The following CHST15 variants were observed in gnomAD, a reference collection of about 807,000 sequenced individuals.
The protein encoded by CHST15 is B cell RAG associated protein (GALNAC4S-6ST).
CHST15 carries 30 observed loss-of-function variants against 53.6 expected under a neutral mutation model. The ratio of observed to expected loss-of-function variants is 0.56; its 90% CI spans 0.42 to 0.76. The LOEUF (loss-of-function observed/expected upper bound fraction) is 0.76, where lower values mean the gene tolerates loss of function less well. CHST15 is among the 30% of genes least tolerant of loss of function. The pLI, the probability that CHST15 is intolerant of heterozygous loss-of-function variation, is 0.00. For missense variants in CHST15, 627 were observed against 740.5 expected (o/e 0.85, Z 1.78); for synonymous variants, 296 against 289.8 (o/e 1.02, Z -0.22).
At chr10:124,028,022 C>A (rs1947078518) in intron 5 of CHST15, among the ~76,000 whole-genome samples, 1 of 152,220 alleles carries the variant, frequency 6.6e-6, no homozygotes, top group South Asian at 2.1e-4. Context: ...AAAGTCAATT[C>A]TTCTCCAGAA....
intron 1 of CHST15, among the ~76,000 whole-genome samples, chr10:124,059,482 G>A (rs1290881318): frequency 6.6e-6 from 1 of 152,202 alleles, no homozygotes; most frequent in African/African-American, 2.4e-5. Context: ...GACAGAAGGA[G>A]CAGGGTGACT....
intron 5 of CHST15, among the ~76,000 whole-genome samples, chr10:124,028,973 C>G: frequency 6.6e-6 from 1 of 152,060 alleles, no homozygotes; most frequent in East Asian, 1.9e-4. Flanking sequence ...CAGGAGGACC[C>G]GAGATGGGGA....
intron 5 of CHST15, among the ~76,000 whole-genome samples, chr10:124,034,734 G>A: frequency 6.9e-6 from 1 of 144,120 alleles, no homozygotes; most frequent in Non-Finnish European, 1.5e-5. Context: ...CCCCTAACAG[G>A]GACCCCGGCT....
chr10:124,009,762 C>A lies in CHST15; in HGVS notation c.*387G>T, dbSNP rs1468262086. ...AGTTCCAGCCAGGCCTGTGGCATGA[C>A]CTCTGGCTTGCTGACTCAGAACCCA... On this transcript the variant is annotated 3_prime_UTR_variant, in exon 8 of 8. Transcript: ENST00000435907. The A allele has an allele frequency of 1.9e-6, 2 of 1,064,082 alleles. No homozygotes were observed. Among genetic ancestry groups the A allele is most frequent in the Admixed American group, 4.9e-5 (1 of 20,246 alleles). The allele number at this position is 1,064,082 out of a possible 1,614,324, so 65.9% of individuals were successfully genotyped here. A position where few individuals can be genotyped will look rare whatever the true frequency, so the allele number is the denominator to read the frequency against.
chr10:124,034,589 C>A (rs1378922227), intron 5 of CHST15, among the ~76,000 whole-genome samples: 1 of 146,746 alleles, frequency 6.8e-6, no homozygotes, highest in Non-Finnish European at 1.5e-5. Flanking sequence ...CTAACAGGGA[C>A]CCTGGCTCCA....
intron 5 of CHST15, among the ~76,000 whole-genome samples, chr10:124,034,492 G>T (rs963040364): frequency 5.3e-5 from 8 of 151,816 alleles, no homozygotes; most frequent in African/African-American, 1.9e-4. Flanking sequence ...AGAACTCCAG[G>T]AAGAAAGAAA....
At chr10:124,089,631 G>T (rs1202860338) in intron 1 of CHST15, among the ~76,000 whole-genome samples, 1 of 152,052 alleles carries the variant, frequency 6.6e-6, no homozygotes, top group Non-Finnish European at 1.5e-5. Flanking sequence ...CAGGGGGTGG[G>T]TGCCTCCCAC....
In CHST15 at chr10:124,038,602, C is replaced by T; in HGVS notation, c.1103G>A (p.Gly368Asp). ...GTCCTGCGTCAGAAACGGTGGCTCG[C>T]CATCCGTGCTGTTGTCGTAGAAGAA... ...WTFFYDNSTD[G>D]EPPFLTQDFI... is the part of the protein sequence containing the mutation. The change falls in exon 5 of 8, where the codon GGC (glycine) becomes GAC (aspartate). Residue 368 changes from glycine (G) to aspartate (D), a missense_variant. Transcript: ENST00000435907. 3.7e-6 allele frequency: 6 copies of T among 1,614,144 alleles called. No homozygotes were observed. Among genetic ancestry groups the T allele is most frequent in the Non-Finnish European group, 5.1e-6 (6 of 1,180,010 alleles).
At chr10:124,054,821 C>T (rs962705929) in intron 1 of CHST15, among the ~76,000 whole-genome samples, 1 of 152,196 alleles carries the variant, frequency 6.6e-6, no homozygotes, top group African/African-American at 2.4e-5. Flanking sequence ...ACCCCGCACA[C>T]CGTGGAAGGA....
intron 1 of CHST15, among the ~76,000 whole-genome samples, chr10:124,068,519 TCCA>T: frequency 6.6e-6 from 1 of 152,332 alleles, no homozygotes; most frequent in South Asian, 2.1e-4. Context: ...CGGGTACATG[TCCA>T]GTCTGGTCTG....
intron 1 of CHST15, among the ~76,000 whole-genome samples, chr10:124,048,733 G>A (rs764309547): frequency 2.6e-5 from 4 of 152,160 alleles, no homozygotes; most frequent in Non-Finnish European, 5.9e-5. Context: ...GAGGGAATTC[G>A]CACCCTCCTG....
chr10:124,064,366 G>T (rs568094450), intron 1 of CHST15, among the ~76,000 whole-genome samples: 1 of 152,234 alleles, frequency 6.6e-6, no homozygotes, highest in African/African-American at 2.4e-5. Flanking sequence ...CAAAGTGCCT[G>T]TGTGATGGCC....
intron 1 of CHST15, among the ~76,000 whole-genome samples, chr10:124,050,105 T>G (rs994977967): frequency 5.3e-5 from 8 of 152,040 alleles, no homozygotes; most frequent in African/African-American, 1.9e-4. Flanking sequence ...TTTACCAAAA[T>G]CGATAGCCAC....
In CHST15 at chr10:124,036,145, G is replaced by A. The variant is rs1243124149; in HGVS notation, c.1190+2370C>T. 6.6e-6 allele frequency among the ~76,000 whole-genome samples: 1 copy of A among 152,248 alleles called. No individual in the cohort carries two copies. The highest frequency in any genetic ancestry group is 2.4e-5 in the African/African-American group (1 of 41,470). ...CCCTTCAGCTGGGGGCCGTGTCGGG[G>A]AGGGAGGCAGAGCAGCTATGCAAAC... On this transcript the variant is annotated intron_variant, in intron 5 of 7. Transcript: ENST00000435907. The surrounding 1 kb of genome is among the most constrained non-coding windows in gnomAD (Gnocchi z 5.1).
intron 6 of CHST15, chr10:124,021,008 C>T (rs1251049330): frequency 7.0e-7 from 1 of 1,424,938 alleles, no homozygotes; most frequent in East Asian, 2.5e-5. Context: ...GCACCCTCAT[C>T]CTCCTGCTGA....
intron 6 of CHST15, among the ~76,000 whole-genome samples, chr10:124,012,989 C>G (rs1564847301): frequency 6.6e-6 from 1 of 152,200 alleles, no homozygotes; most frequent in Non-Finnish European, 1.5e-5. Flanking sequence ...CATTACTGAA[C>G]CAAGTACACA....
Position 124,007,846 on chromosome 10 carries a change from C to A in CHST15, c.*2303G>T. On this transcript the variant is annotated 3_prime_UTR_variant, in exon 8 of 8. Coordinates refer to ENST00000435907, the MANE Select transcript of CHST15 (RefSeq NM_001270764.2). Reference sequence around the variant, plus strand: ...TTGAGAACAAAAAGGAACTTCAATACCATGTTGTGAGAAATGCTCCAATTT... The same window carrying A: ...TTGAGAACAAAAAGGAACTTCAATAACATGTTGTGAGAAATGCTCCAATTT... 1 of 1,232,104 alleles carries A rather than the reference C, an allele frequency of 8.1e-7. No homozygotes were observed. Among genetic ancestry groups the A allele is most frequent in the Non-Finnish European group, 1.0e-6 (1 of 987,934 alleles). 76.3% of individuals were successfully genotyped at this position (1,232,104 alleles called of 1,614,324 possible). A position where few individuals can be genotyped will look rare whatever the true frequency, so the allele number is the denominator to read the frequency against.
intron 6 of CHST15, 116 bp downstream of exon 6, chr10:124,021,140 C>T: frequency 6.5e-7 from 1 of 1,531,542 alleles, no homozygotes; most frequent in Non-Finnish European, 8.8e-7. Context: ...CATTAAAACG[C>T]TTCTCTCTGT....
intron 5 of CHST15, among the ~76,000 whole-genome samples, chr10:124,032,945 TA>T (rs1209162311): frequency 6.6e-6 from 1 of 151,246 alleles, no homozygotes; most frequent in Admixed American, 6.6e-5. Context: ...AACCTAAAAC[TA>T]AAAATAAAAG....
Sources: allele counts gnomAD v4.1 joint callset (sites outside exome capture counted in the v4.1 genomes callset), GRCh38; gene constraint gnomAD v4.1.1; non-coding constraint Gnocchi (gnomAD v3.1); transcripts MANE v1.5; gene names NCBI Gene and HGNC (gene_info 2026-07-23, HGNC 2026-07-21).